Variants in TMEM132E observed in about 807,000 individuals in gnomAD.
The protein encoded by TMEM132E is transmembrane protein 132E.
A neutral mutation model predicts 78.5 loss-of-function variants in TMEM132E; 49 were observed. The observed-to-expected ratio is 0.62, with a 90% CI of 0.50 to 0.79. The LOEUF is 0.79. Ranked by LOEUF, TMEM132E falls within the 30% of genes least tolerant of loss-of-function variation. TMEM132E has a pLI of 0.00. For synonymous variants in TMEM132E, 715 were observed against 670.6 expected, an observed-to-expected ratio of 1.07 and a Z score of -1.02; for missense variants, 1,403 against 1,470.9, an observed-to-expected ratio of 0.95 and a Z score of 0.75.
At chr17:34,636,831 A>T (rs1907537822) in intron 8 of TMEM132E, among the ~76,000 whole-genome samples, 1 of 152,224 alleles carries the variant, frequency 6.6e-6, no homozygotes, top group Non-Finnish European at 1.5e-5. Context: ...GCATGGAGAT[A>T]TGGAGCTATT....
chr17:34,635,987 C>G lies in TMEM132E; in HGVS notation c.1978-20C>G, dbSNP rs746843928. 2.9e-6 allele frequency: 4 copies of G among 1,391,976 alleles called. No homozygotes were observed. Among genetic ancestry groups the G allele is most frequent in the Non-Finnish European group, 2.8e-6 (3 of 1,065,842 alleles). The allele number at this position is 1,391,976 out of a possible 1,614,324, so 86.2% of individuals were successfully genotyped here. A position where few individuals can be genotyped will look rare whatever the true frequency, so the allele number is the denominator to read the frequency against. ...TGTGCTTTCCTGGTTCTCTCCCACC[C>G]CGGTCCCGCTCTGCCTCAGGTGGTG... On this transcript the variant is annotated intron_variant, in intron 7 of 8. Coordinates refer to ENST00000631683, the MANE Select transcript of TMEM132E (RefSeq NM_001304438.2).
At chr17:34,627,551 G>A (rs1258641351) in intron 2 of TMEM132E, among the ~76,000 whole-genome samples, 1 of 149,460 alleles carries the variant, frequency 6.7e-6, no homozygotes, top group Non-Finnish European at 1.5e-5. Flanking sequence ...AAAATTTTCA[G>A]AATTCCCAGC....
chr17:34,614,605 G>T (rs1000524286), intron 1 of TMEM132E: 1 of 152,310 alleles, frequency 6.6e-6, no homozygotes, highest in African/African-American at 2.4e-5. Flanking sequence ...CAGGCTCACA[G>T]AGCAGGTACC....
rs752852474 is a variant in TMEM132E at position 34,636,131 on chromosome 17, G to C, written c.2102G>C (p.Ser701Thr). 2 of 1,590,212 alleles carry C rather than the reference G, an allele frequency of 1.3e-6. No individual in the cohort carries two copies. Among genetic ancestry groups the C allele is most frequent in the Admixed American group, 1.8e-5 (1 of 56,480 alleles). Residue 701 changes from serine to threonine, a missense_variant, in exon 8 of 9, where the codon AGC becomes ACC. By Grantham distance (58) the Ser-to-Thr change is moderately conservative. Around this residue, in one of 3 missense-constraint regions of TMEM132E, gnomAD observed 888 missense variants for 952.8 expected, o/e 0.93. Transcript: ENST00000631683. ...VASLALSLRP[S>T]PGSSHTILAT... ...AGCCTGGCCCTCTCCCTGCGGCCCA[G>C]CCCTGGGAGCAGCCACACCATCCTA...
intron 1 of TMEM132E, among the ~76,000 whole-genome samples, chr17:34,610,508 G>A (rs1906553345): frequency 6.6e-6 from 1 of 152,316 alleles, no homozygotes; most frequent in Admixed American, 6.5e-5. Context: ...CCAGAATCCT[G>A]CTTAACCCAC....
chr17:34,615,372 C>A (rs1906743149), intron 1 of TMEM132E, among the ~76,000 whole-genome samples: 1 of 152,158 alleles, frequency 6.6e-6, no homozygotes. Flanking sequence ...TTCCTTCCTT[C>A]CTTACTCTCA....
At chr17:34,637,106 C>T in intron 8 of TMEM132E, 71 bp from the exon 9 acceptor site, 1 of 1,396,658 alleles carries the variant, frequency 7.2e-7, no homozygotes, top group South Asian at 1.3e-5. Flanking sequence ...CCCTACAGAG[C>T]CCAGGATCTA....
chr17:34,603,805 G>A (rs1015549776), intron 1 of TMEM132E, among the ~76,000 whole-genome samples: 1 of 152,172 alleles, frequency 6.6e-6, no homozygotes, highest in Non-Finnish European at 1.5e-5. Context: ...GGCCATCTCA[G>A]CCATACTCAC....
chr17:34,586,359 G>T (rs778394001), intron 1 of TMEM132E, among the ~76,000 whole-genome samples: 1 of 150,744 alleles, frequency 6.6e-6, no homozygotes, highest in Non-Finnish European at 1.5e-5. Context: ...TAAATGAAAA[G>T]AAAAGTAGGC....
rs752189001 is a variant in TMEM132E, at chr17:34,638,272, G to A, written c.*40G>A. 1 of 1,447,470 alleles carries A rather than the reference G, an allele frequency of 6.9e-7. No individual in the cohort carries two copies. Among genetic ancestry groups the A allele is most frequent in the African/African-American group, 1.4e-5 (1 of 70,750 alleles). 89.7% of individuals were successfully genotyped at this position (1,447,470 alleles called of 1,614,324 possible). On this transcript the variant is annotated 3_prime_UTR_variant, in exon 9 of 9. Transcript: ENST00000631683. ...GTAGCAGGGACCCCCCCCCCCAACGGGGTCAGCTCGGGGTAGGACACAGCC... is the reference window on the plus strand; with the variant it reads ...GTAGCAGGGACCCCCCCCCCCAACGAGGTCAGCTCGGGGTAGGACACAGCC...
At position 34,637,766 on chromosome 17, in the gene TMEM132E, G is replaced by A. The variant is rs867549306; in HGVS notation, c.2759G>A (p.Arg920His). Residue 920 changes from arginine (R) to histidine (H), a missense_variant, in exon 9 of 9, where the codon CGC becomes CAC. Transcript: ENST00000631683. ...TTTGTGCTGCGCTACCGGCACAAGC[G>A]CATCCCGCCCGAGGGCCAGACCAGC... ...IVFVLRYRHK[R>H]IPPEGQTSMD... The A allele has an allele frequency of 6.2e-7, 1 of 1,613,526 alleles. No individual in the cohort carries two copies.
At chr17:34,618,231 T>G (rs1204491016) in intron 1 of TMEM132E, among the ~76,000 whole-genome samples, 6 of 152,118 alleles carry the variant, frequency 3.9e-5, no homozygotes, top group Non-Finnish European at 8.8e-5. Context: ...ATGTAAATTT[T>G]TTTGTTTTTT....
At chr17:34,582,122 A>C (rs1020672024) in intron 1 of TMEM132E, among the ~76,000 whole-genome samples, 2 of 149,736 alleles carry the variant, frequency 1.3e-5, no homozygotes, top group African/African-American at 4.9e-5. Flanking sequence ...CCGACCTGGG[A>C]TACATTTTCT....
intron 1 of TMEM132E, among the ~76,000 whole-genome samples, chr17:34,609,028 GA>G (rs1906506911): frequency 6.6e-6 from 1 of 152,210 alleles, no homozygotes; most frequent in South Asian, 2.1e-4. Context: ...GCATGAGAGA[GA>G]AAAACCTTTT....
At position 34,633,060 on chromosome 17, in the gene TMEM132E, C is replaced by A. The variant is rs1025444091; in HGVS notation, c.1688+151C>A. 3.6e-6 allele frequency: 3 copies of A among 844,590 alleles called. No homozygotes were observed. The South Asian group carries it at 4.9e-5, about 14-fold the overall frequency. 52.3% of individuals were successfully genotyped at this position (844,590 alleles called of 1,614,324 possible). A position where few individuals can be genotyped will look rare whatever the true frequency, so the allele number is the denominator to read the frequency against. ...TCAACAAGCTTTCATTGACCAGCTACTGTGTGCTAGGCACTGGCAAGTGTT... is the reference window on the plus strand; with the variant it reads ...TCAACAAGCTTTCATTGACCAGCTAATGTGTGCTAGGCACTGGCAAGTGTT... On this transcript the variant is annotated intron_variant, in intron 6 of 8. Transcript: ENST00000631683.
At chr17:34,616,795 C>A (rs1480858114) in intron 1 of TMEM132E, among the ~76,000 whole-genome samples, 1 of 152,204 alleles carries the variant, frequency 6.6e-6, no homozygotes, top group Non-Finnish European at 1.5e-5. Flanking sequence ...CTGGACCCCT[C>A]TTCTCCCCTC....
rs1195542080 is a variant in TMEM132E at position 34,637,584 on chromosome 17, C to A, written c.2577C>A (p.Thr859=). Residue 859 remains threonine (T), a synonymous_variant, in exon 9 of 9, where the codon ACC becomes ACA. Transcript: ENST00000631683. ...LPAPEAPGPG[T]ASPVVPPTED... ...CACCGGAGGCTCCAGGCCCGGGCAC[C>A]GCCAGCCCCGTCGTGCCACCCACAG... is the stretch of plus-strand genomic sequence containing the variant. 3 of 1,600,396 alleles carry A rather than the reference C, an allele frequency of 1.9e-6. No individual in the cohort carries two copies. Among genetic ancestry groups the A allele is most frequent in the South Asian group, 2.2e-5 (2 of 90,276 alleles).
chr17:34,619,244 G>C (rs185471021), intron 1 of TMEM132E, among the ~76,000 whole-genome samples: 1 of 150,624 alleles, frequency 6.6e-6, no homozygotes, highest in South Asian at 2.1e-4. Context: ...ATCTATATGG[G>C]CCAGGCACTG....
At chr17:34,582,928 T>C (rs1048288699) in intron 1 of TMEM132E, among the ~76,000 whole-genome samples, 1 of 152,166 alleles carries the variant, frequency 6.6e-6, no homozygotes, top group East Asian at 1.9e-4. Context: ...GTCATTAGGG[T>C]CCCTCTGCCC....
Sources: gnomAD v4.1 joint callset for allele counts (sites outside exome capture counted in the v4.1 genomes callset) on GRCh38, gnomAD v4.1.1 for gene constraint, gnomAD v4.1.1 regional missense constraint, MANE v1.5 for transcripts, NCBI Gene and HGNC (gene_info 2026-07-23, HGNC 2026-07-21) for gene names.